The following MANSC1 variants were observed in gnomAD, a reference collection of about 807,000 sequenced individuals.
MANSC1 encodes the protein MANSC domain-containing protein 1.
A neutral mutation model predicts 14.1 loss-of-function variants in MANSC1; 13 were observed. The observed-to-expected ratio is 0.92, with a 90% confidence interval of 0.60 to 1.46. The LOEUF (loss-of-function observed/expected upper bound fraction) is 1.46, where lower values mean the gene tolerates loss of function less well. MANSC1 is among the 40% of genes most tolerant of loss of function. The pLI, the probability that MANSC1 is intolerant of heterozygous loss-of-function variation, is 0.00. For missense variants in MANSC1, 486 were observed against 511.4 expected (o/e 0.95, Z 0.48); for synonymous variants, 227 against 200.7 (o/e 1.13, Z -1.11).
intron 3 of MANSC1, among the ~76,000 whole-genome samples, chr12:12,336,843 T>C (rs975904643): frequency 6.6e-6 from 1 of 152,196 alleles, no homozygotes; most frequent in African/African-American, 2.4e-5. Flanking sequence ...TCATGTTTAG[T>C]GTTGTTTCCT....
chr12:12,330,090 T>C lies in MANSC1; in HGVS notation c.1233A>G (p.Ser411=), dbSNP rs1395941599. 2 of 1,613,840 alleles carry C rather than the reference T, an allele frequency of 1.2e-6. No homozygotes were observed. The highest frequency in any genetic ancestry group is 2.7e-5 in the African/African-American group (2 of 74,814). ...GTCTTGAGTAACGTTTCCTGCGGAGTGATTCCGAGAGGATTCTACCCAGGA... is the reference window on the plus strand; with the variant it reads ...GTCTTGAGTAACGTTTCCTGCGGAGCGATTCCGAGAGGATTCTACCCAGGA... ...LVLLGRILSE[S]LRRKRYSRLD... is the part of the protein sequence containing the mutation. Residue 411 remains serine, a synonymous_variant, in exon 4 of 4, where the codon TCA becomes TCG. Transcript: ENST00000535902.
At chr12:12,344,399 T>C (rs55865572) in intron 1 of MANSC1, among the ~76,000 whole-genome samples, 16,414 of 151,718 alleles carry the variant, frequency 0.11, 892 homozygotes, top group Non-Finnish European at 0.12. Context: ...CAACCAAATC[T>C]GCTGCCAGTG....
chr12:12,338,406 A>G lies in MANSC1; in HGVS notation c.364+14T>C. 1.3e-6 allele frequency: 2 copies of G among 1,571,262 alleles called. No individual in the cohort carries two copies. The highest frequency in any genetic ancestry group is 1.7e-6 in the Non-Finnish European group (2 of 1,163,978). On this transcript the variant is annotated intron_variant, in intron 3 of 3. Transcript: ENST00000535902. Reference sequence around the variant, plus strand: ...ATTCCAATCACAAAAGAAAAAGTATAATGCTTTCATTACCTGTAATTATCC... The same window carrying G: ...ATTCCAATCACAAAAGAAAAAGTATGATGCTTTCATTACCTGTAATTATCC...
intron 1 of MANSC1, among the ~76,000 whole-genome samples, chr12:12,344,631 G>A (rs563571069): frequency 4.0e-5 from 6 of 151,120 alleles, no homozygotes; most frequent in East Asian, 2.0e-4. Context: ...CACCACGCCC[G>A]GCTGGTTTTT....
rs756046961 is a variant in MANSC1, at chr12:12,326,447, G to C, written c.*3580C>G. 1.3e-5 allele frequency: 2 copies of C among 152,208 alleles called. No homozygotes were observed. Among genetic ancestry groups the C allele is most frequent in the African/African-American group, 2.4e-5 (1 of 41,424 alleles). The allele number at this position is 152,208 out of a possible 1,614,324, so 9.4% of individuals were successfully genotyped here. A position where few individuals can be genotyped will look rare whatever the true frequency, so the allele number is the denominator to read the frequency against. On this transcript the variant is annotated 3_prime_UTR_variant, in exon 4 of 4. Coordinates refer to ENST00000535902, the MANE Select transcript of MANSC1 (RefSeq NM_018050.4). Reference sequence around the variant, plus strand: ...CCTGTAACAAATGAGGCAGAAGTGGGACTAGGGCTGGCTGCTGGGCAGCTG... The same window carrying C: ...CCTGTAACAAATGAGGCAGAAGTGGCACTAGGGCTGGCTGCTGGGCAGCTG...
rs1262873130 is a variant in MANSC1, at chr12:12,329,715, C to A, written c.*312G>T. On this transcript the variant is annotated 3_prime_UTR_variant, in exon 4 of 4. Coordinates refer to ENST00000535902, the MANE Select transcript of MANSC1 (RefSeq NM_018050.4). ...CCTGACCAACATGGTGAAACCCCGT[C>A]TCTACTAAAAATACAAAAATCACCC... The A allele has an allele frequency of 8.5e-6, 2 of 235,952 alleles. No homozygotes were observed. The highest frequency in any genetic ancestry group is 1.7e-5 in the Non-Finnish European group (2 of 120,398). 14.6% of individuals were successfully genotyped at this position (235,952 alleles called of 1,614,324 possible). A position where few individuals can be genotyped will look rare whatever the true frequency, so the allele number is the denominator to read the frequency against.
At chr12:12,338,091 C>A (rs1025538052) in intron 3 of MANSC1, among the ~76,000 whole-genome samples, 3 of 152,188 alleles carry the variant, frequency 2.0e-5, no homozygotes, top group African/African-American at 7.2e-5. Flanking sequence ...AGTCTTCACC[C>A]TTTCAAAACA....
At position 12,327,617 on chromosome 12, in the gene MANSC1, A is replaced by T. The variant is rs1281552566; in HGVS notation, c.*2410T>A. The T allele has an allele frequency of 6.6e-6, 1 of 152,132 alleles. No homozygotes were observed. The highest frequency in any genetic ancestry group is 1.5e-5 in the Non-Finnish European group (1 of 68,012). The allele number at this position is 152,132 out of a possible 1,614,324, so 9.4% of individuals were successfully genotyped here. A position where few individuals can be genotyped will look rare whatever the true frequency, so the allele number is the denominator to read the frequency against. On this transcript the variant is annotated 3_prime_UTR_variant, in exon 4 of 4. Coordinates refer to ENST00000535902, the MANE Select transcript of MANSC1 (RefSeq NM_018050.4). ...TAAATCCATTAATAAAGAGAGGAGA[A>T]ATTTTAAAATTCCAAGGCACCTGGT...
At chr12:12,347,829 T>C (rs529429541) in intron 1 of MANSC1, among the ~76,000 whole-genome samples, 1 of 152,146 alleles carries the variant, frequency 6.6e-6, no homozygotes, top group African/African-American at 2.4e-5. Context: ...GAGGCCAAGG[T>C]GGGCAGATCA....
intron 1 of MANSC1, among the ~76,000 whole-genome samples, chr12:12,346,082 G>C (rs1477547290): frequency 6.6e-6 from 1 of 152,168 alleles, no homozygotes; most frequent in Non-Finnish European, 1.5e-5. Flanking sequence ...AACCATCCTG[G>C]CTAACACGGT....
chr12:12,342,598 T>G (rs1411166349), intron 2 of MANSC1, among the ~76,000 whole-genome samples: 7 of 146,492 alleles, frequency 4.8e-5, no homozygotes, highest in Admixed American at 2.7e-4. Flanking sequence ...TTTTTTTTTT[T>G]TTTTTTTTTT....
rs78505013 is a variant in MANSC1, at chr12:12,336,059, C to T, written c.364+2361G>A. 1.6e-4 allele frequency among the ~76,000 whole-genome samples: 24 copies of T among 152,100 alleles called. No homozygotes were observed. In the East Asian group the frequency reaches 4.6e-3, roughly 29 times the overall value. On this transcript the variant is annotated intron_variant, in intron 3 of 3. Coordinates refer to ENST00000535902, the MANE Select transcript of MANSC1 (RefSeq NM_018050.4). ...TTAGCCACGTGTAGTGGCATATGCCCCTCCTAAGGCGGAGGTTGCAGTGAG... is the reference window on the plus strand; with the variant it reads ...TTAGCCACGTGTAGTGGCATATGCCTCTCCTAAGGCGGAGGTTGCAGTGAG...
Position 12,343,160 on chromosome 12 carries a change from T to G in MANSC1, c.155A>C (p.Asn52Thr). 6.2e-7 allele frequency: 1 copy of G among 1,614,052 alleles called. No homozygotes were observed. The highest frequency in any genetic ancestry group is 8.5e-7 in the Non-Finnish European group (1 of 1,179,914). Residue 52 changes from asparagine (N) to threonine (T), a missense_variant, in exon 2 of 4, where the codon AAT (asparagine) becomes ACT (threonine). Physicochemically the swap from Asn to Thr is moderately conservative, Grantham distance 65. Coordinates refer to ENST00000535902, the MANE Select transcript of MANSC1 (RefSeq NM_018050.4). ...TTGAGTTGAAGTATATACGGGCTCA[T>G]TGCCTCTGATTCCCTTAGAAAGAGA... ...QSSLSKGIRG[N>T]EPVYTSTQED...
chr12:12,338,758 CT>C (rs568230959), intron 2 of MANSC1, 198 bp from the exon 3 acceptor site: 12,597 of 473,684 alleles, frequency 0.027, 1 homozygote, highest in South Asian at 0.039. Context: ...TTGGGTTTAG[CT>C]TTTTTTTTTT....
In MANSC1 at chr12:12,330,335, A is replaced by G. The variant is rs1473245605; in HGVS notation, c.988T>C (p.Leu330=). 6.2e-7 allele frequency: 1 copy of G among 1,614,058 alleles called. No homozygotes were observed. The highest frequency in any genetic ancestry group is 8.5e-7 in the Non-Finnish European group (1 of 1,180,048). ...IPFTEISNLT[L]NTGNVYNPTA... ...GGGTTATACACATTCCCTGTGTTCA[A>G]AGTTAGGTTGGAGATTTCTGTAAAC... The change falls in exon 4 of 4, where the codon TTG becomes CTG. Residue 330 remains leucine (L), a synonymous_variant. Transcript: ENST00000535902.
rs1209763283 is a variant in MANSC1 at position 12,327,560 on chromosome 12, A to T, written c.*2467T>A. The T allele has an allele frequency of 1.3e-5, 2 of 152,224 alleles. No homozygotes were observed. Among genetic ancestry groups the T allele is most frequent in the Non-Finnish European group, 2.9e-5 (2 of 68,040 alleles). The allele number at this position is 152,224 out of a possible 1,614,324, so 9.4% of individuals were successfully genotyped here. ...AAGAGAGCCAGGAAAATACCTTTAT[A>T]AACCATCACAGAAAGCCTGATTTCC... On this transcript the variant is annotated 3_prime_UTR_variant, in exon 4 of 4. Transcript: ENST00000535902.
intron 3 of MANSC1, among the ~76,000 whole-genome samples, chr12:12,331,256 A>C (rs529416303): frequency 6.6e-6 from 1 of 152,328 alleles, no homozygotes; most frequent in African/African-American, 2.4e-5. Context: ...AAATTGCTAA[A>C]TGAGAATCTG....
chr12:12,336,947 TATG>T (rs1293753724), intron 3 of MANSC1, among the ~76,000 whole-genome samples: 2 of 152,044 alleles, frequency 1.3e-5, no homozygotes, highest in African/African-American at 4.8e-5. Context: ...AAATCAAGAG[TATG>T]ATGATAACTT....
chr12:12,342,577 T>G lies in MANSC1; in HGVS notation c.223+515A>C, dbSNP rs983778172. 4.3e-3 allele frequency among the ~76,000 whole-genome samples: 416 copies of G among 96,966 alleles called. 2 individuals carry two copies. Among genetic ancestry groups the G allele is most frequent in the African/African-American group, 0.015 (408 of 26,566 alleles). The allele number at this position is 96,966 out of a possible 152,430, so 63.6% of individuals were successfully genotyped here. The stretch of plus-strand genomic sequence containing the variant: ...AGCTGTAGTTACCTAGTAGTCAGTG[T>G]TTTTTTGTTTTTTTTTTTTTTTTTT... On this transcript the variant is annotated intron_variant, in intron 2 of 3. Transcript: ENST00000535902.
Sources: gnomAD v4.1 joint callset for allele counts (sites outside exome capture counted in the v4.1 genomes callset) on GRCh38, gnomAD v4.1.1 for gene constraint, MANE v1.5 for transcripts, NCBI Gene and HGNC (gene_info 2026-07-23, HGNC 2026-07-21) for gene names.